Variants in ARFGEF2 observed in about 807,000 individuals in gnomAD.
ARFGEF2 encodes the protein brefeldin A-inhibited guanine nucleotide-exchange protein 2.
Under a neutral mutation model 219.9 loss-of-function variants are expected in ARFGEF2, and 74 were observed. The ratio of observed to expected loss-of-function variants is 0.34; its 90% confidence interval spans 0.28 to 0.41. ARFGEF2 has a LOEUF of 0.41. Ranked by LOEUF, ARFGEF2 falls within the 10% of genes least tolerant of loss-of-function variation. The pLI, the probability that ARFGEF2 is intolerant of heterozygous loss-of-function variation, is 1.00. For missense variants in ARFGEF2, 1,743 were observed against 2,218.3 expected, an observed-to-expected ratio of 0.79 and a Z score of 4.30; for synonymous variants, 733 against 799.2, an observed-to-expected ratio of 0.92 and a Z score of 1.40.
chr20:49,014,227 C>A (rs2091517432), intron 30 of ARFGEF2, among the ~76,000 whole-genome samples: 1 of 151,974 alleles, frequency 6.6e-6, no homozygotes, highest in African/African-American at 2.4e-5. Context: ...TCCAGTTCAG[C>A]AGGGCTCCTG....
chr20:48,925,589 G>A (rs553248788), intron 1 of ARFGEF2, among the ~76,000 whole-genome samples: 29 of 152,080 alleles, frequency 1.9e-4, no homozygotes, highest in African/African-American at 6.3e-4. Flanking sequence ...TAATTCCAGC[G>A]CTTTAGGAGG....
At position 48,952,687 on chromosome 20, in the gene ARFGEF2, C is replaced by G. The variant is rs1330725296; in HGVS notation, c.424-18C>G. On this transcript the variant is annotated intron_variant, in intron 4 of 38. Coordinates refer to ENST00000371917, the MANE Select transcript of ARFGEF2 (RefSeq NM_006420.3). ...GATGTGCGTTCCTGATGGTGAAGGT[C>G]GCGGATTTCTATTTTAGGCTCTTCT... 1.9e-6 allele frequency: 3 copies of G among 1,613,816 alleles called. No homozygotes were observed. Among genetic ancestry groups the G allele is most frequent in the African/African-American group, 1.3e-5 (1 of 74,934 alleles).
intron 14 of ARFGEF2, among the ~76,000 whole-genome samples, chr20:48,981,408 T>G (rs2123443360): frequency 6.6e-6 from 1 of 152,338 alleles, no homozygotes; most frequent in South Asian, 2.1e-4. Context: ...CTGGCTGCCC[T>G]TAACATTTTT....
At chr20:48,930,422 G>A (rs1255452753) in intron 1 of ARFGEF2, among the ~76,000 whole-genome samples, 1 of 152,202 alleles carries the variant, frequency 6.6e-6, no homozygotes, top group Non-Finnish European at 1.5e-5. Context: ...CTGGACTAGT[G>A]GTGACAGTAG....
chr20:48,982,936 G>T (rs1325695082), intron 14 of ARFGEF2, among the ~76,000 whole-genome samples: 1 of 152,106 alleles, frequency 6.6e-6, no homozygotes, highest in African/African-American at 2.4e-5. Flanking sequence ...AAAATCCTCC[G>T]ACCCCTTACG....
chr20:48,988,267 C>G (rs558315568), intron 16 of ARFGEF2, 37 bp from the exon 17 acceptor site: 2 of 1,496,594 alleles, frequency 1.3e-6, no homozygotes, highest in Admixed American at 3.4e-5. Context: ...CAAACCGCAT[C>G]ACCATGAATA....
At position 48,953,004 on chromosome 20, in the gene ARFGEF2, G is replaced by T. The variant is rs971843924; in HGVS notation, c.603+120G>T. On this transcript the variant is annotated intron_variant, in intron 5 of 38. Transcript: ENST00000371917. ...TTTAAAGCTACCCCTTCTTCCTGTGGATTCTCTGTACTGTGCTTTTGTTCT... is the reference window on the plus strand; with the variant it reads ...TTTAAAGCTACCCCTTCTTCCTGTGTATTCTCTGTACTGTGCTTTTGTTCT... 3 of 1,045,500 alleles carry T rather than the reference G, an allele frequency of 2.9e-6. No individual in the cohort carries two copies. The East Asian group carries it at 7.5e-5, about 26-fold the overall frequency. The allele number at this position is 1,045,500 out of a possible 1,614,324, so 64.8% of individuals were successfully genotyped here. A position where few individuals can be genotyped will look rare whatever the true frequency, so the allele number is the denominator to read the frequency against.
intron 21 of ARFGEF2, among the ~76,000 whole-genome samples, chr20:48,992,559 G>A (rs1296939697): frequency 6.6e-6 from 1 of 152,172 alleles, no homozygotes; most frequent in African/African-American, 2.4e-5. Flanking sequence ...CTTAGTCACC[G>A]AGTCCCACCT....
At chr20:48,927,408 G>T (rs1358033323) in intron 1 of ARFGEF2, among the ~76,000 whole-genome samples, 1 of 152,178 alleles carries the variant, frequency 6.6e-6, no homozygotes, top group African/African-American at 2.4e-5. Context: ...ATGTAACGTG[G>T]CGGGGCATGG....
chr20:49,003,424 G>C (rs940606806), intron 25 of ARFGEF2, among the ~76,000 whole-genome samples: 8 of 151,004 alleles, frequency 5.3e-5, no homozygotes, highest in Admixed American at 1.3e-4. Flanking sequence ...GGCCAACGTG[G>C]TGAAACCCCG....
At chr20:48,951,618 G>T in intron 4 of ARFGEF2, 149 bp downstream of exon 4, 2 of 1,146,760 alleles carry the variant, frequency 1.7e-6, no homozygotes, top group Non-Finnish European at 2.5e-6. Flanking sequence ...CTTTTGTTAG[G>T]TGTCAGAATT....
chr20:48,928,557 T>G (rs73611306), intron 1 of ARFGEF2, among the ~76,000 whole-genome samples: 1 of 133,204 alleles, frequency 7.5e-6, no homozygotes. Flanking sequence ...TGCAGTGGCG[T>G]GATCTCGGCT....
intron 6 of ARFGEF2, among the ~76,000 whole-genome samples, chr20:48,957,964 A>C (rs1197282330): frequency 2.0e-5 from 3 of 152,208 alleles, no homozygotes; most frequent in Non-Finnish European, 4.4e-5. Context: ...GAAAAACTGC[A>C]GTGAGGGAAA....
chr20:48,970,806 G>A (rs2091222390), intron 9 of ARFGEF2, among the ~76,000 whole-genome samples: 1 of 152,126 alleles, frequency 6.6e-6, no homozygotes. Context: ...CCTCCCACAA[G>A]TGATGTAAAG....
chr20:48,990,031 T>C (rs1014457318), intron 20 of ARFGEF2, among the ~76,000 whole-genome samples: 2 of 152,058 alleles, frequency 1.3e-5, no homozygotes, highest in Non-Finnish European at 2.9e-5. Context: ...AATATAAAAT[T>C]AGCCGGGTGT....
At chr20:48,980,236 T>C (rs558867042) in intron 14 of ARFGEF2, among the ~76,000 whole-genome samples, 2 of 152,228 alleles carry the variant, frequency 1.3e-5, no homozygotes, top group African/African-American at 4.8e-5. Flanking sequence ...AATTTCGTTA[T>C]GTACCCAGTA....
At chr20:49,000,200 C>G (rs1160701503) in intron 25 of ARFGEF2, among the ~76,000 whole-genome samples, 1 of 152,226 alleles carries the variant, frequency 6.6e-6, no homozygotes, top group African/African-American at 2.4e-5. Context: ...TTGCTTCTAA[C>G]TTGGTGCATC....
intron 1 of ARFGEF2, among the ~76,000 whole-genome samples, chr20:48,929,448 G>A (rs997798684): frequency 2.0e-5 from 3 of 152,202 alleles, no homozygotes; most frequent in Non-Finnish European, 4.4e-5. Context: ...GTCACCCCTG[G>A]TGTCATGATG....
At chr20:49,009,611 G>A (rs963616703) in intron 26 of ARFGEF2, among the ~76,000 whole-genome samples, 1 of 152,164 alleles carries the variant, frequency 6.6e-6, no homozygotes, top group African/African-American at 2.4e-5. Context: ...CAGGTTGAGA[G>A]ACAATTGCAG....
Sources: allele counts gnomAD v4.1 joint callset (sites outside exome capture counted in the v4.1 genomes callset), GRCh38; gene constraint gnomAD v4.1.1; transcripts MANE v1.5; gene names NCBI Gene and HGNC (gene_info 2026-07-23, HGNC 2026-07-21).